The following SPATA32 variants were observed in gnomAD, a reference collection of about 807,000 sequenced individuals.
SPATA32 encodes spermatogenesis associated 32, also known as spermatogenesis-associated protein 32.
In SPATA32, 28 loss-of-function variants were observed where a neutral mutation model predicts 35.4. The ratio of observed to expected loss-of-function variants is 0.79; its 90% CI spans 0.59 to 1.09. The LOEUF is 1.09. Ranked by LOEUF, SPATA32 falls within the 50% of genes least tolerant of loss-of-function variation. The probability of loss-of-function intolerance (pLI) is 0.00; values close to 1 mark genes in which losing one functional copy is unlikely to be tolerated. For missense variants in SPATA32, 409 were observed against 475.9 expected (o/e 0.86, Z 1.31); for synonymous variants, 168 against 196.3 (o/e 0.86, Z 1.20).
chr17:45,255,283 G>A lies in SPATA32; in HGVS notation c.899C>T (p.Pro300Leu), dbSNP rs1369093319. The A allele has an allele frequency of 1.9e-6, 3 of 1,614,070 alleles. No individual in the cohort carries two copies. Among genetic ancestry groups the A allele is most frequent in the Non-Finnish European group, 2.5e-6 (3 of 1,180,042 alleles). Reference protein sequence around the residue: ...ENHAETLPEKPREARAPLKSW... With the variant: ...ENHAETLPEKLREARAPLKSW... ...TTTCAGTGGTGCTCTGGCTTCGCGT[G>A]GTTTCTCTGGCAGGGTCTCTGCGTG... Residue 300 changes from proline (P) to leucine (L), a missense_variant, in exon 4 of 5, where the codon CCA becomes CTA. Coordinates refer to ENST00000331780, the MANE Select transcript of SPATA32 (RefSeq NM_152343.3). This position sits in a 1 kb window ranked among gnomAD's most constrained non-coding sequence, Gnocchi z 5.4.
In SPATA32 at chr17:45,255,294, CA is replaced by C. The variant is rs1234455559; in HGVS notation, c.887del (p.Leu296ArgfsTer12). 1 of 1,614,090 alleles carries C rather than the reference CA, an allele frequency of 6.2e-7. No homozygotes were observed. The highest frequency in any genetic ancestry group is 8.5e-7 in the Non-Finnish European group (1 of 1,180,046). On this transcript the variant is annotated frameshift_variant, in exon 4 of 5. Coordinates refer to ENST00000331780, the MANE Select transcript of SPATA32 (RefSeq NM_152343.3). LOFTEE classifies it high-confidence loss of function. This position sits in a 1 kb window ranked among gnomAD's most constrained non-coding sequence, Gnocchi z 5.4. ...CTCTGGCTTCGCGTGGTTTCTCTGG[CA>C]GGGTCTCTGCGTGATTTTCTGGCTC... ...EREPENHAETLPEKPREARAP... is the reference protein window; with the variant it reads ...EREPENHAETXPEKPREARAP...
In SPATA32 at chr17:45,255,436, G is replaced by A. The variant is rs1353897387; in HGVS notation, c.746C>T (p.Ala249Val). The change falls in exon 4 of 5, where the codon GCC (alanine) becomes GTC (valine). Residue 249 changes from alanine to valine, a missense_variant. Coordinates refer to ENST00000331780, the MANE Select transcript of SPATA32 (RefSeq NM_152343.3). The surrounding 1 kb of genome is among the most constrained non-coding windows in gnomAD (Gnocchi z 5.4). Reference sequence around the variant, plus strand: ...GTCCATCCTGCTGGAGGAGGCCATGGCCAGGGAAGATGCAAAGGTGATTAG... The same window carrying A: ...GTCCATCCTGCTGGAGGAGGCCATGACCAGGGAAGATGCAAAGGTGATTAG... The part of the protein sequence containing the change: ...TELITFASSL[A>V]MASSSRMDLP... The A allele has an allele frequency of 1.2e-6, 2 of 1,614,158 alleles. No homozygotes were observed. Among genetic ancestry groups the A allele is most frequent in the Non-Finnish European group, 1.7e-6 (2 of 1,180,030 alleles).
In SPATA32 at chr17:45,255,792, A is replaced by G; in HGVS notation, c.390T>C (p.Asn130=). 1 of 1,613,986 alleles carries G rather than the reference A, an allele frequency of 6.2e-7. No individual in the cohort carries two copies. The highest frequency in any genetic ancestry group is 1.1e-5 in the South Asian group (1 of 91,070). ...CCTCCGTGAAACTCCGGCAGTTTGA[A>G]TTCAGACTCCACGGTCTGAAGGTCT... The part of the protein sequence containing the change: ...TPQTFRPWSL[N]SNCRSFTEEN... The change falls in exon 4 of 5, where the codon AAT becomes AAC. Residue 130 remains asparagine (N), a synonymous_variant. Transcript: ENST00000331780. This position sits in a 1 kb window ranked among gnomAD's most constrained non-coding sequence, Gnocchi z 5.4.
Position 45,256,148 on chromosome 17 carries a change from TCCCTGCCCCAC to T in SPATA32, c.109-86_109-76del, listed in dbSNP as rs1236125313. The T allele has an allele frequency of 2.0e-6, 3 of 1,493,000 alleles. No individual in the cohort carries two copies. The highest frequency in any genetic ancestry group is 2.7e-6 in the Non-Finnish European group (3 of 1,095,074). The allele number at this position is 1,493,000 out of a possible 1,614,324, so 92.5% of individuals were successfully genotyped here. A position where few individuals can be genotyped will look rare whatever the true frequency, so the allele number is the denominator to read the frequency against. Reference sequence around the variant, plus strand: ...CCCTGAGGCCCTCCCTGGCACCGAGTCCCTGCCCCACCCCTGCCCTGGGTCCTGCTGTCTTC... The same window carrying T: ...CCCTGAGGCCCTCCCTGGCACCGAGTCCCTGCCCTGGGTCCTGCTGTCTTC... On this transcript the variant is annotated intron_variant, in intron 3 of 4. Coordinates refer to ENST00000331780, the MANE Select transcript of SPATA32 (RefSeq NM_152343.3). This position sits in a 1 kb window ranked among gnomAD's most constrained non-coding sequence, Gnocchi z 4.7.
rs1453227774 is a variant in SPATA32 at position 45,256,217 on chromosome 17, TCA to T, written c.109-146_109-145del. Reference sequence around the variant, plus strand: ...CCCCTAACCCCATGCCTGCCTCCTCTCAGAGACCTGCCCGGTGAGGGGGTGTG... The same window carrying T: ...CCCCTAACCCCATGCCTGCCTCCTCTGAGACCTGCCCGGTGAGGGGGTGTG... On this transcript the variant is annotated intron_variant, in intron 3 of 4. Transcript: ENST00000331780. The surrounding 1 kb of genome is among the most constrained non-coding windows in gnomAD (Gnocchi z 4.7). 3.3e-6 allele frequency: 4 copies of T among 1,201,682 alleles called. No homozygotes were observed. The East Asian group carries it at 9.6e-5, about 29-fold the overall frequency. 74.4% of individuals were successfully genotyped at this position (1,201,682 alleles called of 1,614,324 possible). A position where few individuals can be genotyped will look rare whatever the true frequency, so the allele number is the denominator to read the frequency against.
chr17:45,257,300 T>C (rs2043967384), intron 1 of SPATA32, 93 bp from the exon 2 acceptor site: 2 of 1,367,884 alleles, frequency 1.5e-6, no homozygotes, highest in African/African-American at 1.4e-5. Context: ...CTGCCCTTCT[T>C]TTCTCTCTTC....
In SPATA32 at chr17:45,255,375, G is replaced by A. The variant is rs1478693452; in HGVS notation, c.807C>T (p.Pro269=). The change falls in exon 4 of 5, where the codon CCC becomes CCT. Residue 269 remains proline (P), a synonymous_variant. Coordinates refer to ENST00000331780, the MANE Select transcript of SPATA32 (RefSeq NM_152343.3). The surrounding 1 kb of genome is among the most constrained non-coding windows in gnomAD (Gnocchi z 5.4). ...CTGTGGAAGGCTCCAGAGCCTCCTG[G>A]GGTGGAGCTTTCATCATGTGTTCCA... is the stretch of plus-strand genomic sequence containing the variant. The part of the protein sequence containing the change: ...PSLEHMMKAP[P]QEALEPSTEP... 14 of 1,614,064 alleles carry A rather than the reference G, an allele frequency of 8.7e-6. No homozygotes were observed. The highest frequency in any genetic ancestry group is 1.7e-5 in the Admixed American group (1 of 60,008).
At position 45,261,094 on chromosome 17, in the gene SPATA32, G is replaced by GTTTTTTTTTTTTTTTTTTTTTTTT. The variant is rs1491518933; in HGVS notation, c.13+909_13+910insAAAAAAAAAAAAAAAAAAAAAAAA. 3.2e-5 allele frequency: 2 copies of GTTTTTTTTTTTTTTTTTTTTTTTT among 62,368 alleles called. 1 individual carries two copies. Among genetic ancestry groups the GTTTTTTTTTTTTTTTTTTTTTTTT allele is most frequent in the African/African-American group, 1.6e-4 (2 of 12,324 alleles). 3.9% of individuals were successfully genotyped at this position (62,368 alleles called of 1,614,324 possible). On this transcript the variant is annotated intron_variant, in intron 1 of 4. Coordinates refer to ENST00000331780, the MANE Select transcript of SPATA32 (RefSeq NM_152343.3). ...GCGTGAGCCACTGCACCCGACCTCT[G>GTTTTTTTTTTTTTTTTTTTTTTTT]GTTTTTTTTTTTTTTTTTTTGACAG...
chr17:45,257,089 G>A (rs2043964605), intron 2 of SPATA32, 64 bp downstream of exon 2: 1 of 1,556,534 alleles, frequency 6.4e-7, no homozygotes, highest in Non-Finnish European at 8.8e-7. Context: ...CCTAGGCTGG[G>A]GGTGAGGTCG....
intron 1 of SPATA32, chr17:45,261,095 G>GT (rs386386165): frequency 0.048 from 4,480 of 92,682 alleles, 146 homozygotes; most frequent in Non-Finnish European, 0.067. Context: ...CCGACCTCTG[G>GT]TTTTTTTTTT....
At chr17:45,258,071 G>A (rs935656404) in intron 1 of SPATA32, among the ~76,000 whole-genome samples, 1 of 152,174 alleles carries the variant, frequency 6.6e-6, no homozygotes, top group Non-Finnish European at 1.5e-5. Flanking sequence ...CATCAGCCTG[G>A]GGTATGGCAG....
At chr17:45,258,241 T>C (rs1408538852) in intron 1 of SPATA32, among the ~76,000 whole-genome samples, 1 of 152,080 alleles carries the variant, frequency 6.6e-6, no homozygotes, top group East Asian at 1.9e-4. Flanking sequence ...AGCCTGGTCT[T>C]GGGGGATGTA....
chr17:45,254,567 A>G, intron 4 of SPATA32, 54 bp from the exon 5 acceptor site: 1 of 1,571,454 alleles, frequency 6.4e-7, no homozygotes, highest in Non-Finnish European at 8.8e-7. Context: ...GTTGAAGGAG[A>G]GGGGTGAGCC....
At chr17:45,257,107 T>C (rs1239470287) in intron 2 of SPATA32, 46 bp downstream of exon 2, 16 of 1,603,634 alleles carry the variant, frequency 1.0e-5, no homozygotes, top group Non-Finnish European at 1.4e-5. Context: ...TCGGAGGTCC[T>C]GGAGGGCTCG....
Position 45,256,481 on chromosome 17 carries a change from G to A in SPATA32, c.69-66C>T. The A allele has an allele frequency of 6.9e-7, 1 of 1,447,396 alleles. No individual in the cohort carries two copies. The highest frequency in any genetic ancestry group is 9.7e-7 in the Non-Finnish European group (1 of 1,028,264). The allele number at this position is 1,447,396 out of a possible 1,614,324, so 89.7% of individuals were successfully genotyped here. A position where few individuals can be genotyped will look rare whatever the true frequency, so the allele number is the denominator to read the frequency against. ...GGGCTTCAGCGGGAAGGGGGTTTCT[G>A]GGGCCCTCAAAGCCCTCTGCCTTGT... is the stretch of plus-strand genomic sequence containing the variant. On this transcript the variant is annotated intron_variant, in intron 2 of 4. Coordinates refer to ENST00000331780, the MANE Select transcript of SPATA32 (RefSeq NM_152343.3). The surrounding 1 kb of genome is among the most constrained non-coding windows in gnomAD (Gnocchi z 4.7).
Position 45,256,421 on chromosome 17 carries a change from ACAG to A in SPATA32, c.69-9_69-7del. 1 of 428,802 alleles carries A rather than the reference ACAG, an allele frequency of 2.3e-6. No homozygotes were observed. Among genetic ancestry groups the A allele is most frequent in the Non-Finnish European group, 3.6e-6 (1 of 277,854 alleles). 26.6% of individuals were successfully genotyped at this position (428,802 alleles called of 1,614,324 possible). ...GGTGTTGACTTAAGTCATCTCTAAG[ACAG>A]AAGAAGACAGAGTGGGTGATGGGGA... On this transcript the variant is annotated splice_region_variant and splice_polypyrimidine_tract_variant and intron_variant, in intron 2 of 4. Coordinates refer to ENST00000331780, the MANE Select transcript of SPATA32 (RefSeq NM_152343.3). This position sits in a 1 kb window ranked among gnomAD's most constrained non-coding sequence, Gnocchi z 4.7.
At position 45,254,405 on chromosome 17, in the gene SPATA32, G is replaced by A. The variant is rs766631228; in HGVS notation, c.*21C>T. On this transcript the variant is annotated 3_prime_UTR_variant, in exon 5 of 5. Transcript: ENST00000331780. Reference sequence around the variant, plus strand: ...GTCTAAGCCGACGGCCAGCACTGGAGGCTTTATTGGTTCTGTCTAGTCATT... The same window carrying A: ...GTCTAAGCCGACGGCCAGCACTGGAAGCTTTATTGGTTCTGTCTAGTCATT... 5 of 1,611,068 alleles carry A rather than the reference G, an allele frequency of 3.1e-6. No homozygotes were observed. Among genetic ancestry groups the A allele is most frequent in the Non-Finnish European group, 4.2e-6 (5 of 1,177,230 alleles).
Position 45,256,045 on chromosome 17 carries a change from G to T in SPATA32, c.137C>A (p.Pro46His). 1 of 1,609,846 alleles carries T rather than the reference G, an allele frequency of 6.2e-7. No individual in the cohort carries two copies. Among genetic ancestry groups the T allele is most frequent in the Non-Finnish European group, 8.5e-7 (1 of 1,177,950 alleles). Reference sequence around the variant, plus strand: ...CAGGTCCAGGTCCACTTGGAGTTGGGGCTTCTGCTCTAGCATGTCTGCCTC... The same window carrying T: ...CAGGTCCAGGTCCACTTGGAGTTGGTGCTTCTGCTCTAGCATGTCTGCCTC... ...ELEADMLEQK[P>H]QLQVDLDLDP... Residue 46 changes from proline (P) to histidine (H), a missense_variant, in exon 4 of 5, where the codon CCC (proline) becomes CAC (histidine). Coordinates refer to ENST00000331780, the MANE Select transcript of SPATA32 (RefSeq NM_152343.3). The surrounding 1 kb of genome is among the most constrained non-coding windows in gnomAD (Gnocchi z 4.7).
intron 4 of SPATA32, 168 bp downstream of exon 4, chr17:45,254,947 C>T (rs867893803): frequency 8.6e-6 from 6 of 695,432 alleles, no homozygotes; most frequent in East Asian, 2.7e-5. Context: ...ACTGGAACCT[C>T]GTTCCAACAG....
Sources: gnomAD v4.1 joint callset for allele counts (sites outside exome capture counted in the v4.1 genomes callset) on GRCh38, gnomAD v4.1.1 for gene constraint, Gnocchi (gnomAD v3.1) non-coding constraint, MANE v1.5 for transcripts, NCBI Gene and HGNC (gene_info 2026-07-23, HGNC 2026-07-21) for gene names.